The following RELN variants were observed in gnomAD, a reference collection of about 807,000 sequenced individuals.
The protein encoded by RELN is reelin.
RELN carries 108 observed loss-of-function variants against 427.6 expected under a neutral mutation model. That is an observed-to-expected ratio of 0.25 (90% CI 0.22 to 0.30). RELN has a LOEUF of 0.30. Ranked by LOEUF, RELN falls within the 10% of genes least tolerant of loss-of-function variation. The probability of loss-of-function intolerance (pLI) is 1.00; values close to 1 mark genes in which losing one functional copy is unlikely to be tolerated. For synonymous variants in RELN, 1,524 were observed against 1,513.4 expected (o/e 1.01, Z -0.16); for missense variants, 3,715 against 4,302.8 (o/e 0.86, Z 3.82).
At chr7:103,740,176 T>C (rs1790606081) in intron 6 of RELN, among the ~76,000 whole-genome samples, 1 of 152,028 alleles carries the variant, frequency 6.6e-6, no homozygotes, top group South Asian at 2.1e-4. Flanking sequence ...TTGACTGAAA[T>C]TAAGTTTCCA....
intron 3 of RELN, among the ~76,000 whole-genome samples, chr7:103,793,109 TATA>T: frequency 6.6e-6 from 1 of 152,210 alleles, no homozygotes; most frequent in Admixed American, 6.5e-5. Context: ...GTTGAATTTC[TATA>T]TATTACATGC....
chr7:103,763,230 C>T (rs1791346325), intron 4 of RELN, among the ~76,000 whole-genome samples: 1 of 152,138 alleles, frequency 6.6e-6, no homozygotes, highest in Non-Finnish European at 1.5e-5. Context: ...GATATAAAAG[C>T]ACTTCTGGGG....
intron 1 of RELN, among the ~76,000 whole-genome samples, chr7:103,981,743 G>T (rs1340643100): frequency 6.6e-6 from 1 of 152,230 alleles, no homozygotes; most frequent in Non-Finnish European, 1.5e-5. Context: ...TCATTGGCAT[G>T]TGGCCATTAT....
At chr7:103,788,912 T>C (rs1484526539) in intron 3 of RELN, among the ~76,000 whole-genome samples, 15 of 151,934 alleles carry the variant, frequency 9.9e-5, no homozygotes, top group Admixed American at 9.8e-4. Context: ...AAGCTGGAGG[T>C]GTCATGCTAC....
At chr7:103,693,807 G>A (rs1417603793) in intron 10 of RELN, among the ~76,000 whole-genome samples, 3 of 152,056 alleles carry the variant, frequency 2.0e-5, no homozygotes, top group Non-Finnish European at 4.4e-5. Context: ...CCAGGCAGTT[G>A]GCTACATTAG....
At chr7:103,819,070 A>C (rs1057123165) in intron 3 of RELN, among the ~76,000 whole-genome samples, 1 of 152,166 alleles carries the variant, frequency 6.6e-6, no homozygotes, top group Non-Finnish European at 1.5e-5. Context: ...ATGCGTGTGC[A>C]CATGTGCAGG....
chr7:103,986,930 C>CTGTGTG (rs68023932), intron 1 of RELN, among the ~76,000 whole-genome samples: 228 of 149,056 alleles, frequency 1.5e-3, no homozygotes, highest in Non-Finnish European at 2.2e-3. Flanking sequence ...CTAACAGAAG[C>CTGTGTG]TGTGTGTGTG....
chr7:103,773,458 C>CCT (rs767597344), intron 4 of RELN, among the ~76,000 whole-genome samples: 257 of 120,812 alleles, frequency 2.1e-3, no homozygotes, highest in East Asian at 3.5e-3. Flanking sequence ...TCGCTCCCTC[C>CCT]CTCTCTCTCT....
chr7:103,587,154 A>G (rs891336930), intron 28 of RELN, among the ~76,000 whole-genome samples: 1 of 152,228 alleles, frequency 6.6e-6, no homozygotes, highest in Non-Finnish European at 1.5e-5. Context: ...AGTAAGCAAA[A>G]CACCATGATA....
chr7:103,912,700 C>T (rs1029473703), intron 2 of RELN, among the ~76,000 whole-genome samples: 16 of 152,032 alleles, frequency 1.1e-4, no homozygotes, highest in African/African-American at 3.9e-4. Context: ...ACCTGCAAAC[C>T]TGATTCTCAG....
chr7:103,809,125 T>TGCATTACAATTCTGAGGA (rs1182358736), intron 3 of RELN, among the ~76,000 whole-genome samples: 1 of 152,174 alleles, frequency 6.6e-6, no homozygotes, highest in Non-Finnish European at 1.5e-5. Context: ...TAGAAGTCAG[T>TGCATTACAATTCTGAGGA]GCATTACAAT....
chr7:103,567,705 C>T (rs181653918), intron 31 of RELN, among the ~76,000 whole-genome samples: 41 of 151,620 alleles, frequency 2.7e-4, no homozygotes, highest in African/African-American at 3.9e-4. Context: ...TTCATAATTA[C>T]GACTAGGGAT....
At chr7:103,654,779 A>G (rs1351543755) in intron 12 of RELN, among the ~76,000 whole-genome samples, 2 of 152,008 alleles carry the variant, frequency 1.3e-5, no homozygotes, top group Non-Finnish European at 2.9e-5. Flanking sequence ...TTTATTCTCT[A>G]TTACTCTACT....
At chr7:103,781,851 C>T (rs1263334499) in intron 3 of RELN, among the ~76,000 whole-genome samples, 4 of 151,788 alleles carry the variant, frequency 2.6e-5, no homozygotes, top group African/African-American at 9.7e-5. Context: ...TAATTTACAG[C>T]TGTCTCTCGG....
At chr7:103,498,033 T>C in intron 54 of RELN, 44 bp downstream of exon 54, 1 of 1,607,676 alleles carries the variant, frequency 6.2e-7, no homozygotes, top group Non-Finnish European at 8.5e-7. Context: ...TTGGGACCAA[T>C]TTGCTATGGT....
intron 1 of RELN, among the ~76,000 whole-genome samples, chr7:103,924,134 G>A (rs1795674304): frequency 6.6e-6 from 1 of 152,096 alleles, no homozygotes. Flanking sequence ...AGGGTGGCAG[G>A]TGCTTGATCT....
intron 3 of RELN, among the ~76,000 whole-genome samples, chr7:103,794,024 C>T (rs1385274695): frequency 6.6e-6 from 1 of 152,124 alleles, no homozygotes; most frequent in African/African-American, 2.4e-5. Flanking sequence ...GCCTCAGCCT[C>T]CCAAAGTGCT....
chr7:103,849,058 G>A (rs1421612771), intron 2 of RELN, among the ~76,000 whole-genome samples: 1 of 152,206 alleles, frequency 6.6e-6, no homozygotes, highest in Non-Finnish European at 1.5e-5. Flanking sequence ...GTCAGAAGAT[G>A]TGACAGTGCT....
chr7:103,883,827 G>A (rs773233026), intron 2 of RELN, among the ~76,000 whole-genome samples: 3 of 152,290 alleles, frequency 2.0e-5, no homozygotes, highest in African/African-American at 7.2e-5. Flanking sequence ...TGGATATGAA[G>A]AATCAATATC....
Sources: allele counts gnomAD v4.1 joint callset (sites outside exome capture counted in the v4.1 genomes callset), GRCh38; gene constraint gnomAD v4.1.1; transcripts MANE v1.5; gene names NCBI Gene and HGNC (gene_info 2026-07-23, HGNC 2026-07-21).